ARSB: variants seen among roughly 807,000 people sequenced by gnomAD.
ARSB encodes the protein N-acetylgalactosamine-4-sulfatase.
A neutral mutation model predicts 50.9 loss-of-function variants in ARSB; 41 were observed. That is an observed-to-expected ratio of 0.81 (90% CI 0.63 to 1.04). The LOEUF (loss-of-function observed/expected upper bound fraction) is 1.04, where lower values mean the gene tolerates loss of function less well. Among genes scored for constraint, ARSB ranks in the 50% least tolerant of loss-of-function variants. The probability of loss-of-function intolerance (pLI) is 0.00; values close to 1 mark genes in which losing one functional copy is unlikely to be tolerated. For synonymous variants in ARSB, 269 were observed against 284.8 expected, an observed-to-expected ratio of 0.94 and a Z score of 0.56; for missense variants, 672 against 693.3, an observed-to-expected ratio of 0.97 and a Z score of 0.35.
At chr5:78,843,468 T>G (rs1745315176) in intron 5 of ARSB, among the ~76,000 whole-genome samples, 1 of 152,226 alleles carries the variant, frequency 6.6e-6, no homozygotes, top group African/African-American at 2.4e-5. Flanking sequence ...AAAATACTGA[T>G]GCATGGGTTC....
At chr5:78,939,171 G>A (rs1217655516) in intron 4 of ARSB, among the ~76,000 whole-genome samples, 3 of 152,102 alleles carry the variant, frequency 2.0e-5, no homozygotes. Flanking sequence ...AACATGAAAG[G>A]CTTTCATTAG....
chr5:78,807,301 C>G (rs1268713853), intron 6 of ARSB, among the ~76,000 whole-genome samples: 1 of 152,202 alleles, frequency 6.6e-6, no homozygotes, highest in East Asian at 1.9e-4. Flanking sequence ...TCCCCAAGCT[C>G]TATCAGATAG....
intron 5 of ARSB, among the ~76,000 whole-genome samples, chr5:78,863,868 T>C (rs774234336): frequency 2.0e-4 from 31 of 152,150 alleles, no homozygotes; most frequent in African/African-American, 5.1e-4. Flanking sequence ...TTATCTATAG[T>C]TTCTAGTGCT....
At chr5:78,853,020 G>T (rs1469219604) in intron 5 of ARSB, among the ~76,000 whole-genome samples, 1 of 152,158 alleles carries the variant, frequency 6.6e-6, no homozygotes, top group Non-Finnish European at 1.5e-5. Flanking sequence ...CTGTAGCTCA[G>T]AGTAGTTTGA....
At chr5:78,872,108 A>T (rs1747222005) in intron 5 of ARSB, among the ~76,000 whole-genome samples, 1 of 148,690 alleles carries the variant, frequency 6.7e-6, no homozygotes, top group Non-Finnish European at 1.5e-5. Context: ...AATCAAAACC[A>T]CTATGAGATA....
At chr5:78,903,123 G>A (rs142486537) in intron 4 of ARSB, among the ~76,000 whole-genome samples, 309 of 152,274 alleles carry the variant, frequency 2.0e-3, no homozygotes, top group African/African-American at 7.1e-3. Flanking sequence ...GTGTACCAGG[G>A]AGCAAAATGA....
intron 1 of ARSB, among the ~76,000 whole-genome samples, chr5:78,970,561 T>C (rs1471775003): frequency 1.3e-5 from 2 of 152,180 alleles, no homozygotes; most frequent in Non-Finnish European, 2.9e-5. Flanking sequence ...GTTTGAGAAC[T>C]GATACTCTAA....
chr5:78,869,831 A>C (rs1184846006), intron 5 of ARSB, among the ~76,000 whole-genome samples: 3 of 147,056 alleles, frequency 2.0e-5, no homozygotes, highest in Non-Finnish European at 3.0e-5. Context: ...AACTGAAGGA[A>C]ATAGAGACAC....
At chr5:78,816,512 C>G (rs898140182) in intron 6 of ARSB, among the ~76,000 whole-genome samples, 2 of 152,154 alleles carry the variant, frequency 1.3e-5, no homozygotes, top group African/African-American at 4.8e-5. Flanking sequence ...GTCTTCACCC[C>G]CTGGTGTTAC....
chr5:78,806,825 C>A (rs7713155), intron 6 of ARSB, among the ~76,000 whole-genome samples: 1 of 151,808 alleles, frequency 6.6e-6, no homozygotes, highest in Non-Finnish European at 1.5e-5. Context: ...CCGGAATGTG[C>A]CATGTGGACA....
At chr5:78,866,529 C>T (rs1252745642) in intron 5 of ARSB, among the ~76,000 whole-genome samples, 3 of 152,156 alleles carry the variant, frequency 2.0e-5, no homozygotes, top group African/African-American at 4.8e-5. Flanking sequence ...AGGTCACACC[C>T]AAGGGACAAA....
intron 6 of ARSB, among the ~76,000 whole-genome samples, chr5:78,834,898 C>G (rs529120651): frequency 2.0e-4 from 31 of 151,882 alleles, no homozygotes; most frequent in African/African-American, 7.0e-4. Flanking sequence ...TTTACTTTCC[C>G]ATTAACAGTG....
intron 5 of ARSB, among the ~76,000 whole-genome samples, chr5:78,851,808 T>G (rs1195389320): frequency 1.3e-5 from 2 of 152,204 alleles, no homozygotes; most frequent in African/African-American, 4.8e-5. Flanking sequence ...CCTTTACCAT[T>G]ATGTAATGGC....
chr5:78,795,474 C>A (rs1743143947), intron 6 of ARSB, among the ~76,000 whole-genome samples: 1 of 152,180 alleles, frequency 6.6e-6, no homozygotes. Context: ...ACAGGCACTG[C>A]CACCCCTCGG....
intron 3 of ARSB, among the ~76,000 whole-genome samples, chr5:78,956,427 C>A (rs62377869): frequency 0.18 from 26,735 of 151,802 alleles, 2,396 homozygotes; most frequent in Middle Eastern, 0.23. Context: ...GGATGATGAA[C>A]ATGTTTTAAA....
At chr5:78,973,982 C>A (rs1752561575) in intron 1 of ARSB, among the ~76,000 whole-genome samples, 1 of 152,218 alleles carries the variant, frequency 6.6e-6, no homozygotes, top group African/African-American at 2.4e-5. Context: ...TGGGAAGCTT[C>A]ATGATCAGAA....
intron 4 of ARSB, among the ~76,000 whole-genome samples, chr5:78,950,889 A>G (rs1175931216): frequency 5.3e-5 from 8 of 152,246 alleles, no homozygotes; most frequent in Admixed American, 5.2e-4. Context: ...AAGATTTTAG[A>G]AAAGTTCTAT....
intron 4 of ARSB, among the ~76,000 whole-genome samples, chr5:78,945,260 G>A (rs1751164855): frequency 6.6e-6 from 1 of 152,176 alleles, no homozygotes; most frequent in African/African-American, 2.4e-5. Flanking sequence ...CTTTGCCTCA[G>A]GCTCAGTGCA....
Position 78,939,280 on chromosome 5 carries a change from TTC to T in ARSB, c.898+16013_898+16014del, listed in dbSNP as rs1740261284. Reference sequence around the variant, plus strand: ...AAGTGGTCCAAGCTCTCCTATGTATTTCTTTTTTTTTTTTTAATACTTTAAGT... The same window carrying T: ...AAGTGGTCCAAGCTCTCCTATGTATTTTTTTTTTTTTTTAATACTTTAAGT... On this transcript the variant is annotated intron_variant, in intron 4 of 7. Coordinates refer to ENST00000264914, the MANE Select transcript of ARSB (RefSeq NM_000046.5). 6.0e-5 allele frequency among the ~76,000 whole-genome samples: 6 copies of T among 99,658 alleles called. No homozygotes were observed. The South Asian group carries it at 1.8e-3, about 30-fold the overall frequency. The allele number at this position is 99,658 out of a possible 152,430, so 65.4% of individuals were successfully genotyped here. A position where few individuals can be genotyped will look rare whatever the true frequency, so the allele number is the denominator to read the frequency against.
Sources: gnomAD v4.1 joint callset for allele counts (sites outside exome capture counted in the v4.1 genomes callset) on GRCh38, gnomAD v4.1.1 for gene constraint, MANE v1.5 for transcripts, NCBI Gene and HGNC (gene_info 2026-07-23, HGNC 2026-07-21) for gene names.